The following PPT2 variants were observed in gnomAD, a reference collection of about 807,000 sequenced individuals.
The protein encoded by PPT2 is palmitoyl-protein thioesterase 2.
Under a neutral mutation model 37.3 loss-of-function variants are expected in PPT2, and 20 were observed. That is an observed-to-expected ratio of 0.54 (90% confidence interval 0.38 to 0.78). The LOEUF is 0.78. Among genes scored for constraint, PPT2 ranks in the 30% least tolerant of loss-of-function variants. PPT2 has a pLI of 0.00. For missense variants in PPT2, 270 were observed against 389.8 expected (o/e 0.69, Z 2.59); for synonymous variants, 135 against 159.1 (o/e 0.85, Z 1.14).
intron 5 of PPT2, 127 bp from the exon 6 acceptor site, chr6:32,157,510 G>A: frequency 1.3e-6 from 1 of 790,704 alleles, no homozygotes. Context: ...ACCGCACCTG[G>A]CCTACATTAT....
In PPT2 at chr6:32,157,861, G is replaced by A. The variant is rs776105874; in HGVS notation, c.647G>A (p.Arg216His). ...ACAGTATGGCGGAAGAACTTTCTGC[G>A]TGTGGGCCACCTGGTGCTGATTGGG... ...NATVWRKNFL[R>H]VGHLVLIGGP... Residue 216 changes from arginine (R) to histidine (H), a missense_variant, in exon 7 of 9, where the codon CGT becomes CAT. Transcript: ENST00000324816. The A allele has an allele frequency of 1.3e-5, 21 of 1,612,674 alleles. No homozygotes were observed. The highest frequency in any genetic ancestry group is 3.3e-4 in the Middle Eastern group (2 of 6,084).
At position 32,163,023 on chromosome 6, in the gene PPT2, G is replaced by T. The variant is rs548348555; in HGVS notation, c.*73G>T. On this transcript the variant is annotated 3_prime_UTR_variant, in exon 9 of 9. Coordinates refer to ENST00000324816, the MANE Select transcript of PPT2 (RefSeq NM_005155.7). ...GGTGGCCTTGGAAAGCAGATGTCAG[G>T]CTTTGGTGTGCCTGTGACCACCTCA... 6 of 1,483,588 alleles carry T rather than the reference G, an allele frequency of 4.0e-6. No homozygotes were observed. The South Asian group carries it at 6.4e-5, about 16-fold the overall frequency. 91.9% of individuals were successfully genotyped at this position (1,483,588 alleles called of 1,614,324 possible).
intron 7 of PPT2, among the ~76,000 whole-genome samples, chr6:32,161,177 G>A (rs933089258): frequency 6.6e-6 from 1 of 151,666 alleles, no homozygotes; most frequent in East Asian, 1.9e-4. Flanking sequence ...CTGAATATGC[G>A]CTCACAGATT....
chr6:32,154,889 C>T lies in PPT2; in HGVS notation c.183+112C>T. On this transcript the variant is annotated intron_variant, in intron 2 of 8. Transcript: ENST00000324816. The surrounding 1 kb of genome is among the most constrained non-coding windows in gnomAD (Gnocchi z 7.3). ...TGGGCCTGCCCAGTTCCTCAGGGAG[C>T]TGGTGCTGGCGTGGGGGAGAGTTGG... 1 of 1,524,656 alleles carries T rather than the reference C, an allele frequency of 6.6e-7. No individual in the cohort carries two copies. The highest frequency in any genetic ancestry group is 2.3e-5 in the East Asian group (1 of 43,666). 94.4% of individuals were successfully genotyped at this position (1,524,656 alleles called of 1,614,324 possible).
At position 32,162,214 on chromosome 6, in the gene PPT2, C is replaced by A. The variant is rs1429404260; in HGVS notation, c.711-354C>A. On this transcript the variant is annotated intron_variant, in intron 7 of 8. Coordinates refer to ENST00000324816, the MANE Select transcript of PPT2 (RefSeq NM_005155.7). This position sits in a 1 kb window ranked among gnomAD's most constrained non-coding sequence, Gnocchi z 5.5. Reference sequence around the variant, plus strand: ...TCTTTTTTCCTTTTCTTTTTTCTTTCCTTTTTCCTTTCCTTTCCTTTTTGA... The same window carrying A: ...TCTTTTTTCCTTTTCTTTTTTCTTTACTTTTTCCTTTCCTTTCCTTTTTGA... Among the ~76,000 whole-genome samples, 1 of 152,016 alleles carries A rather than the reference C, an allele frequency of 6.6e-6. No homozygotes were observed. The highest frequency in any genetic ancestry group is 1.5e-5 in the Non-Finnish European group (1 of 67,996).
intron 5 of PPT2, 191 bp from the exon 6 acceptor site, chr6:32,157,446 C>A: frequency 1.6e-6 from 1 of 608,062 alleles, no homozygotes; most frequent in Admixed American, 2.7e-5. Context: ...CTCCCGACTT[C>A]AAGTGATCCA....
rs762446904 is a variant in PPT2 at position 32,157,866 on chromosome 6, G to C, written c.652G>C (p.Gly218Arg). The stretch of plus-strand genomic sequence containing the variant: ...ATGGCGGAAGAACTTTCTGCGTGTG[G>C]GCCACCTGGTGCTGATTGGGGGCCC... ...TVWRKNFLRV[G>R]HLVLIGGPDD... Residue 218 changes from glycine to arginine, a missense_variant, in exon 7 of 9, where the codon GGC (glycine) becomes CGC (arginine). By Grantham distance (125) the Gly-to-Arg change is moderately radical. Coordinates refer to ENST00000324816, the MANE Select transcript of PPT2 (RefSeq NM_005155.7). The C allele has an allele frequency of 6.2e-7, 1 of 1,612,770 alleles. No homozygotes were observed. Among genetic ancestry groups the C allele is most frequent in the East Asian group, 2.2e-5 (1 of 44,874 alleles).
At chr6:32,160,537 C>T (rs1249017132) in intron 7 of PPT2, among the ~76,000 whole-genome samples, 6 of 151,480 alleles carry the variant, frequency 4.0e-5, no homozygotes, top group Admixed American at 3.3e-4. Flanking sequence ...GGCCTGGTGG[C>T]GCACGCCTGT....
At chr6:32,158,922 G>A (rs998076574) in intron 7 of PPT2, among the ~76,000 whole-genome samples, 2 of 152,086 alleles carry the variant, frequency 1.3e-5, no homozygotes, top group Non-Finnish European at 2.9e-5. Flanking sequence ...TGGTAGCAGG[G>A]GACCAGGCAT....
At position 32,162,993 on chromosome 6, in the gene PPT2, C is replaced by A. The variant is rs766552319; in HGVS notation, c.*43C>A. The A allele has an allele frequency of 1.1e-5, 17 of 1,561,782 alleles. No individual in the cohort carries two copies. In the South Asian group the frequency reaches 1.9e-4, roughly 17 times the overall value. ...CCCAGGAACTCCTCGGTCCAGAGAC[C>A]AAGTGGTGGCCTTGGAAAGCAGATG... On this transcript the variant is annotated 3_prime_UTR_variant, in exon 9 of 9. Transcript: ENST00000324816. This position sits in a 1 kb window ranked among gnomAD's most constrained non-coding sequence, Gnocchi z 5.5.
upstream of PPT2, chr6:32,153,916 T>G: frequency 7.4e-7 from 1 of 1,352,688 alleles, no homozygotes; most frequent in Non-Finnish European, 9.6e-7. The surrounding 1 kb of genome is among the most constrained non-coding windows in gnomAD (Gnocchi z 4.4). Flanking sequence ...TGGAGAGGCC[T>G]TCTTTCCATT....
At position 32,155,190 on chromosome 6, in the gene PPT2, G is replaced by T. The variant is rs1693024169; in HGVS notation, c.337+7G>T. On this transcript the variant is annotated splice_region_variant and intron_variant, in intron 3 of 8. Coordinates refer to ENST00000324816, the MANE Select transcript of PPT2 (RefSeq NM_005155.7). This position sits in a 1 kb window ranked among gnomAD's most constrained non-coding sequence, Gnocchi z 4.3. ...CTCATCTGCTACTCGCAGGGTAGGC[G>T]ACTCCCCTGCCCCTAACTCCTAAGC... 1.9e-6 allele frequency: 3 copies of T among 1,612,990 alleles called. No individual in the cohort carries two copies. The highest frequency in any genetic ancestry group is 2.5e-6 in the Non-Finnish European group (3 of 1,179,930).
Position 32,154,353 on chromosome 6 carries a change from A to G in PPT2, c.-60A>G. Reference sequence around the variant, plus strand: ...TGCATTAGGAAGATCCTGGACCTAGAGAACAAGTCCCCCGAACGCTGAGTT... The same window carrying G: ...TGCATTAGGAAGATCCTGGACCTAGGGAACAAGTCCCCCGAACGCTGAGTT... On this transcript the variant is annotated 5_prime_UTR_variant, in exon 1 of 9. Coordinates refer to ENST00000324816, the MANE Select transcript of PPT2 (RefSeq NM_005155.7). This position sits in a 1 kb window ranked among gnomAD's most constrained non-coding sequence, Gnocchi z 7.3. 7.1e-7 allele frequency: 1 copy of G among 1,416,756 alleles called. No individual in the cohort carries two copies. The highest frequency in any genetic ancestry group is 9.2e-7 in the Non-Finnish European group (1 of 1,090,104). The allele number at this position is 1,416,756 out of a possible 1,614,324, so 87.8% of individuals were successfully genotyped here. A position where few individuals can be genotyped will look rare whatever the true frequency, so the allele number is the denominator to read the frequency against.
chr6:32,158,031 T>G (rs559720870), intron 7 of PPT2, 107 bp downstream of exon 7: 198 of 953,836 alleles, frequency 2.1e-4, no homozygotes, highest in Middle Eastern at 9.9e-4. Context: ...GTTCAGTTAG[T>G]GCTCCTCCCC....
intron 7 of PPT2, among the ~76,000 whole-genome samples, chr6:32,161,136 TA>T (rs1554128888): frequency 6.6e-6 from 1 of 152,174 alleles, no homozygotes; most frequent in Non-Finnish European, 1.5e-5. Flanking sequence ...GTTAATGTTA[TA>T]TTTAAATATA....
intron 7 of PPT2, among the ~76,000 whole-genome samples, chr6:32,161,022 A>G (rs375532882): frequency 6.6e-6 from 1 of 151,954 alleles, no homozygotes; most frequent in Admixed American, 6.6e-5. Context: ...AATAGCAAAA[A>G]GCAGTCATTT....
In PPT2 at chr6:32,154,684, G is replaced by A. The variant is rs764099068; in HGVS notation, c.90G>A (p.Ala30=). ...FLPLLLLAAP[A]PHRASYKPVI... ...CGCTGCTGCTGCTTGCAGCCCCCGCGCCCCACCGCGCGTCCTACAAGCCGG... is the reference window on the plus strand; with the variant it reads ...CGCTGCTGCTGCTTGCAGCCCCCGCACCCCACCGCGCGTCCTACAAGCCGG... Residue 30 remains alanine (A), a synonymous_variant, in exon 2 of 9, where the codon GCG becomes GCA. Coordinates refer to ENST00000324816, the MANE Select transcript of PPT2 (RefSeq NM_005155.7). This position sits in a 1 kb window ranked among gnomAD's most constrained non-coding sequence, Gnocchi z 7.3. The A allele has an allele frequency of 6.2e-7, 1 of 1,613,018 alleles. No homozygotes were observed. Among genetic ancestry groups the A allele is most frequent in the South Asian group, 1.1e-5 (1 of 91,082 alleles).
chr6:32,161,438 C>T (rs1002083395), intron 7 of PPT2, among the ~76,000 whole-genome samples: 1 of 152,014 alleles, frequency 6.6e-6, no homozygotes, highest in Non-Finnish European at 1.5e-5. Context: ...TATAGGCGCC[C>T]ACCACCATGC....
intron 7 of PPT2, among the ~76,000 whole-genome samples, chr6:32,160,181 A>C (rs1440897884): frequency 6.7e-6 from 1 of 149,486 alleles, no homozygotes; most frequent in African/African-American, 2.5e-5. Context: ...AGTCGCTGGG[A>C]CTACAGGCAC....
Sources: allele counts gnomAD v4.1 joint callset (sites outside exome capture counted in the v4.1 genomes callset), GRCh38; gene constraint gnomAD v4.1.1; non-coding constraint Gnocchi (gnomAD v3.1); transcripts MANE v1.5; gene names NCBI Gene and HGNC (gene_info 2026-07-23, HGNC 2026-07-21).